SOS2: variants seen among roughly 807,000 people sequenced by gnomAD.
SOS2 encodes son of sevenless homolog 2.
SOS2 carries 65 observed loss-of-function variants against 148.2 expected under a neutral mutation model. The ratio of observed to expected loss-of-function variants is 0.44; its 90% CI spans 0.36 to 0.54. The LOEUF (loss-of-function observed/expected upper bound fraction) is 0.54. SOS2 is among the 20% of genes least tolerant of loss of function. The pLI is 0.00. For synonymous variants in SOS2, 539 were observed against 537.1 expected, an observed-to-expected ratio of 1.00 and a Z score of -0.05; for missense variants, 1,341 against 1,590.2, an observed-to-expected ratio of 0.84 and a Z score of 2.67.
At chr14:50,147,745 T>C (rs1383268945) in intron 14 of SOS2, among the ~76,000 whole-genome samples, 4 of 152,228 alleles carry the variant, frequency 2.6e-5, no homozygotes, top group Non-Finnish European at 4.4e-5. Flanking sequence ...TTATTTCCTA[T>C]ATTTTTTGAA....
At position 50,160,158 on chromosome 14, in the gene SOS2, A is replaced by G. The variant is rs1884949030; in HGVS notation, c.1197-72T>C. The stretch of plus-strand genomic sequence containing the variant: ...ATGGTTTCAAGCATAAACCATCTCA[A>G]ATCAAGTGAGTAAAATATTAAATAA... On this transcript the variant is annotated intron_variant, in intron 9 of 22. Transcript: ENST00000216373. 3.5e-6 allele frequency: 4 copies of G among 1,151,860 alleles called. No individual in the cohort carries two copies. In the Admixed American group the frequency reaches 7.0e-5, roughly 20 times the overall value. 71.4% of individuals were successfully genotyped at this position (1,151,860 alleles called of 1,614,324 possible).
intron 13 of SOS2, among the ~76,000 whole-genome samples, chr14:50,151,728 G>GC (rs1389532714): frequency 6.6e-6 from 1 of 151,970 alleles, no homozygotes; most frequent in Non-Finnish European, 1.5e-5. Flanking sequence ...ATAAATTTTT[G>GC]TTTTTTGTTT....
At chr14:50,191,773 T>C (rs1886147871) in intron 4 of SOS2, among the ~76,000 whole-genome samples, 1 of 152,156 alleles carries the variant, frequency 6.6e-6, no homozygotes, top group Non-Finnish European at 1.5e-5. Context: ...TGTTAGGCAT[T>C]CTGATTTTCT....
At chr14:50,185,358 T>C (rs1214812271) in intron 5 of SOS2, among the ~76,000 whole-genome samples, 2 of 152,136 alleles carry the variant, frequency 1.3e-5, no homozygotes, top group Non-Finnish European at 2.9e-5. Flanking sequence ...GAAAAAATCC[T>C]CACATACGTT....
intron 4 of SOS2, among the ~76,000 whole-genome samples, chr14:50,197,687 AC>A (rs1886355384): frequency 2.6e-5 from 2 of 77,130 alleles, no homozygotes; most frequent in South Asian, 3.9e-4. Flanking sequence ...CAGCTTTACC[AC>A]CTTTTTTTTT....
chr14:50,181,200 G>A (rs1001709243), intron 6 of SOS2, among the ~76,000 whole-genome samples: 1 of 152,100 alleles, frequency 6.6e-6, no homozygotes, highest in African/African-American at 2.4e-5. Flanking sequence ...TATAATCCCA[G>A]CACTTTGGGA....
chr14:50,151,492 AG>A, intron 13 of SOS2, among the ~76,000 whole-genome samples: 1 of 152,348 alleles, frequency 6.6e-6, no homozygotes, highest in East Asian at 1.9e-4. Flanking sequence ...TTATTTTACT[AG>A]GACCTGAGAA....
chr14:50,180,472 C>T lies in SOS2; in HGVS notation c.969+100G>A, dbSNP rs564801442. 4.3e-4 allele frequency: 261 copies of T among 601,818 alleles called. 1 individual carries two copies. The South Asian group carries it at 5.5e-3, about 13-fold the overall frequency. 37.3% of individuals were successfully genotyped at this position (601,818 alleles called of 1,614,324 possible). A position where few individuals can be genotyped will look rare whatever the true frequency, so the allele number is the denominator to read the frequency against. On this transcript the variant is annotated intron_variant, in intron 7 of 22. Coordinates refer to ENST00000216373, the MANE Select transcript of SOS2 (RefSeq NM_006939.4). ...AGAATGAACAAGATTTGAAGGATTA[C>T]GAGGATTCCAGAATTACAAATATTT...
chr14:50,199,687 T>C lies in SOS2; in HGVS notation c.510+4A>G, dbSNP rs757655131. 1 of 1,571,502 alleles carries C rather than the reference T, an allele frequency of 6.4e-7. No homozygotes were observed. The highest frequency in any genetic ancestry group is 2.3e-5 in the East Asian group (1 of 43,700). On this transcript the variant is annotated splice_donor_region_variant and intron_variant, in intron 4 of 22. Coordinates refer to ENST00000216373, the MANE Select transcript of SOS2 (RefSeq NM_006939.4). The stretch of plus-strand genomic sequence containing the variant: ...GTTAAATTTAAATACCTTGTAACAC[T>C]TACCTTATCCGCACACATTGACACT...
rs976486198 is a variant in SOS2, at chr14:50,231,271, G to C, written c.13C>G (p.Pro5Ala). ...TCGCTGAAGAACTCGTAAGGCTGCG[G>C]CGCCTGCTGCATGGCCCCGGCGACA... The part of the protein sequence containing the change: MQQA[P>A]QPYEFFSEEN... Residue 5 changes from proline (P) to alanine (A), a missense_variant, in exon 1 of 23, where the codon CCG (proline) becomes GCG (alanine). Transcript: ENST00000216373. 32 of 1,472,096 alleles carry C rather than the reference G, an allele frequency of 2.2e-5. No individual in the cohort carries two copies. The highest frequency in any genetic ancestry group is 7.1e-5 in the African/African-American group (5 of 70,028). 91.2% of individuals were successfully genotyped at this position (1,472,096 alleles called of 1,614,324 possible). A position where few individuals can be genotyped will look rare whatever the true frequency, so the allele number is the denominator to read the frequency against.
At position 50,118,127 on chromosome 14, in the gene SOS2, G is replaced by T. The variant is rs1883351161; in HGVS notation, c.*217C>A. ...ATACTGGCCTTTTGGCAGCACTGAGGATCCAAGACAAGGCAATGCTACTGA... is the reference window on the plus strand; with the variant it reads ...ATACTGGCCTTTTGGCAGCACTGAGTATCCAAGACAAGGCAATGCTACTGA... On this transcript the variant is annotated 3_prime_UTR_variant, in exon 23 of 23. Transcript: ENST00000216373. 1 of 510,438 alleles carries T rather than the reference G, an allele frequency of 2.0e-6. No homozygotes were observed. Among genetic ancestry groups the T allele is most frequent in the Middle Eastern group, 5.2e-4 (1 of 1,916 alleles). 31.6% of individuals were successfully genotyped at this position (510,438 alleles called of 1,614,324 possible). A position where few individuals can be genotyped will look rare whatever the true frequency, so the allele number is the denominator to read the frequency against.
intron 2 of SOS2, among the ~76,000 whole-genome samples, chr14:50,203,045 G>A (rs1199793968): frequency 2.0e-5 from 3 of 151,870 alleles, no homozygotes; most frequent in Non-Finnish European, 4.4e-5. Context: ...TGTAGTCCCA[G>A]CTACTCGGGA....
chr14:50,130,904 C>T (rs908958675), intron 19 of SOS2, 142 bp from the exon 20 acceptor site: 3 of 613,036 alleles, frequency 4.9e-6, no homozygotes, highest in Non-Finnish European at 2.7e-6. Context: ...CAATGACAGC[C>T]TGTATCATTC....
intron 5 of SOS2, among the ~76,000 whole-genome samples, chr14:50,185,134 G>C (rs1462819862): frequency 6.6e-6 from 1 of 152,136 alleles, no homozygotes; most frequent in African/African-American, 2.4e-5. Flanking sequence ...CCCAAGGAGG[G>C]GGTCATGGGA....
rs555263503 is a variant in SOS2, at chr14:50,117,807, T to C, written c.*537A>G. On this transcript the variant is annotated 3_prime_UTR_variant, in exon 23 of 23. Coordinates refer to ENST00000216373, the MANE Select transcript of SOS2 (RefSeq NM_006939.4). ...TTTCATCCTACTTTTCATTTTTGTC[T>C]TCAGCAGCAAATACCGGCATTTAAG... The C allele has an allele frequency of 4.6e-5, 7 of 152,450 alleles. No homozygotes were observed. The East Asian group carries it at 1.3e-3, about 29-fold the overall frequency. 9.4% of individuals were successfully genotyped at this position (152,450 alleles called of 1,614,324 possible).
intron 8 of SOS2, among the ~76,000 whole-genome samples, chr14:50,164,238 C>T (rs1594984363): frequency 6.6e-6 from 1 of 151,992 alleles, no homozygotes; most frequent in African/African-American, 2.4e-5. Context: ...CCCAGGAGTT[C>T]AAGACCAGCC....
intron 2 of SOS2, among the ~76,000 whole-genome samples, chr14:50,202,350 G>GT (rs1347351450): frequency 6.6e-6 from 1 of 152,092 alleles, no homozygotes; most frequent in African/African-American, 2.4e-5. Context: ...AATTTAGCAG[G>GT]GTTTCCTATA....
intron 8 of SOS2, among the ~76,000 whole-genome samples, chr14:50,171,365 A>G (rs1244358950): frequency 6.6e-6 from 1 of 151,980 alleles, no homozygotes; most frequent in Non-Finnish European, 1.5e-5. Context: ...CAGAAGCATT[A>G]TTTATAGTAA....
At chr14:50,165,414 C>T (rs567676105) in intron 8 of SOS2, among the ~76,000 whole-genome samples, 5 of 152,216 alleles carry the variant, frequency 3.3e-5, no homozygotes, top group African/African-American at 9.6e-5. Context: ...CACACACCCG[C>T]GCACACACTG....
Sources: allele counts gnomAD v4.1 joint callset (sites outside exome capture counted in the v4.1 genomes callset), GRCh38; gene constraint gnomAD v4.1.1; transcripts MANE v1.5; gene names NCBI Gene and HGNC (gene_info 2026-07-23, HGNC 2026-07-21).